GRIN2A: variants seen among roughly 807,000 people sequenced by gnomAD.
GRIN2A encodes the protein glutamate receptor ionotropic, NMDA 2A.
In GRIN2A, 22 loss-of-function variants were observed where a neutral mutation model predicts 113.4. The observed-to-expected ratio is 0.19, with a 90% confidence interval of 0.14 to 0.28. The LOEUF is 0.28. Among genes scored for constraint, GRIN2A ranks in the 10% least tolerant of loss-of-function variants. The pLI, the probability that GRIN2A is intolerant of heterozygous loss-of-function variation, is 1.00. For missense variants in GRIN2A, 1,502 were observed against 1,887.0 expected (o/e 0.80, Z 3.78); for synonymous variants, 827 against 738.4 (o/e 1.12, Z -1.94).
chr16:9,988,424 C>A (rs953457268), intron 2 of GRIN2A, among the ~76,000 whole-genome samples: 3 of 152,010 alleles, frequency 2.0e-5, no homozygotes, highest in African/African-American at 7.3e-5. Flanking sequence ...AACCATTTTC[C>A]AAAATCAAGC....
intron 2 of GRIN2A, among the ~76,000 whole-genome samples, chr16:10,168,332 T>C (rs2049966409): frequency 6.6e-6 from 1 of 152,356 alleles, no homozygotes; most frequent in African/African-American, 2.4e-5. Flanking sequence ...TCCTCCTCCA[T>C]GCCAGGCAAA....
At chr16:10,078,562 C>T (rs934173956) in intron 2 of GRIN2A, among the ~76,000 whole-genome samples, 1 of 152,164 alleles carries the variant, frequency 6.6e-6, no homozygotes, top group Non-Finnish European at 1.5e-5. Context: ...GGCAGGCCCC[C>T]AGCCCCTGGG....
At chr16:10,091,643 A>G (rs2048187037) in intron 2 of GRIN2A, among the ~76,000 whole-genome samples, 1 of 152,218 alleles carries the variant, frequency 6.6e-6, no homozygotes, top group Non-Finnish European at 1.5e-5. Context: ...AATAAAAAAT[A>G]AACAAAATGT....
intron 8 of GRIN2A, among the ~76,000 whole-genome samples, chr16:9,831,953 G>C (rs189640587): frequency 5.9e-5 from 9 of 151,884 alleles, no homozygotes; most frequent in Admixed American, 3.3e-4. Context: ...ACAGGGTCTT[G>C]CTCTGCTGAC....
chr16:9,823,144 G>A (rs985543723), intron 9 of GRIN2A, among the ~76,000 whole-genome samples: 5 of 152,170 alleles, frequency 3.3e-5, no homozygotes, highest in African/African-American at 7.2e-5. Context: ...TGCATCACCA[G>A]TCTTCTCTGA....
intron 10 of GRIN2A, among the ~76,000 whole-genome samples, chr16:9,808,819 G>A: frequency 6.6e-6 from 1 of 152,012 alleles, no homozygotes. Context: ...TCTATGTCCT[G>A]GTTTCATTCC....
intron 2 of GRIN2A, among the ~76,000 whole-genome samples, chr16:10,057,488 ATT>A (rs1490733809): frequency 6.6e-6 from 1 of 152,190 alleles, no homozygotes; most frequent in Non-Finnish European, 1.5e-5. Flanking sequence ...GTAAATATAT[ATT>A]TATCAATTTT....
intron 2 of GRIN2A, among the ~76,000 whole-genome samples, chr16:10,032,258 A>C (rs1484752232): frequency 6.6e-6 from 1 of 152,250 alleles, no homozygotes; most frequent in Non-Finnish European, 1.5e-5. Context: ...GCCTTGGGTA[A>C]CGATGGCTAT....
At chr16:9,992,196 C>T (rs930456661) in intron 2 of GRIN2A, among the ~76,000 whole-genome samples, 2 of 152,058 alleles carry the variant, frequency 1.3e-5, no homozygotes, top group Non-Finnish European at 2.9e-5. Context: ...TCCAATGATC[C>T]GTTCATGGAC....
At chr16:9,792,019 A>G (rs763360189) in intron 11 of GRIN2A, among the ~76,000 whole-genome samples, 32 of 151,596 alleles carry the variant, frequency 2.1e-4, no homozygotes, top group Non-Finnish European at 2.8e-4. Flanking sequence ...TGAGTCTTTA[A>G]AATTATTGCT....
At chr16:10,075,196 C>T (rs1297504311) in intron 2 of GRIN2A, among the ~76,000 whole-genome samples, 1 of 152,098 alleles carries the variant, frequency 6.6e-6, no homozygotes, top group Non-Finnish European at 1.5e-5. Context: ...GCGTAGTCAG[C>T]ACCTAGTAAA....
At chr16:10,112,698 C>T in intron 2 of GRIN2A, 2 of 748,494 alleles carry the variant, frequency 2.7e-6, no homozygotes, top group Non-Finnish European at 4.9e-6. Context: ...GAATATTGTG[C>T]AGGGTGTCTC....
At chr16:9,899,530 C>T (rs1465679527) in intron 3 of GRIN2A, among the ~76,000 whole-genome samples, 2 of 138,510 alleles carry the variant, frequency 1.4e-5, no homozygotes, top group African/African-American at 5.5e-5. Context: ...GAAACCACAA[C>T]ATAAAGAAAC....
At chr16:9,936,709 G>A (rs867894424) in intron 3 of GRIN2A, among the ~76,000 whole-genome samples, 7 of 152,172 alleles carry the variant, frequency 4.6e-5, no homozygotes, top group Non-Finnish European at 5.9e-5. Flanking sequence ...AATATAATGC[G>A]GTTCTGTGAG....
chr16:10,017,349 T>C (rs706000), intron 2 of GRIN2A, among the ~76,000 whole-genome samples: 1 of 151,638 alleles, frequency 6.6e-6, no homozygotes, highest in Non-Finnish European at 1.5e-5. Flanking sequence ...TGAGTCTTGG[T>C]GGGGCGGCAG....
intron 2 of GRIN2A, among the ~76,000 whole-genome samples, chr16:10,170,749 C>G (rs116112473): frequency 1.3e-5 from 2 of 152,048 alleles, no homozygotes; most frequent in Admixed American, 1.3e-4. Context: ...TCATGGCACA[C>G]GCCTGTGTTC....
intron 2 of GRIN2A, among the ~76,000 whole-genome samples, chr16:10,009,893 A>G (rs903794370): frequency 6.6e-6 from 1 of 152,234 alleles, no homozygotes; most frequent in African/African-American, 2.4e-5. Flanking sequence ...TGGGACCACA[A>G]TGAACAAGAG....
At chr16:10,005,310 C>A (rs1375081441) in intron 2 of GRIN2A, among the ~76,000 whole-genome samples, 1 of 152,230 alleles carries the variant, frequency 6.6e-6, no homozygotes, top group East Asian at 1.9e-4. Context: ...AAGTTGATTT[C>A]TCTCCTGCTT....
intron 8 of GRIN2A, among the ~76,000 whole-genome samples, chr16:9,833,616 T>G (rs1430225491): frequency 2.0e-5 from 3 of 152,260 alleles, no homozygotes; most frequent in Non-Finnish European, 4.4e-5. Context: ...TATTTCATTT[T>G]GTTTTATCCA....
Sources: allele counts gnomAD v4.1 joint callset (sites outside exome capture counted in the v4.1 genomes callset), GRCh38; gene constraint gnomAD v4.1.1; transcripts MANE v1.5; gene names NCBI Gene and HGNC (gene_info 2026-07-23, HGNC 2026-07-21).